MDFIC2: variants seen among roughly 807,000 people sequenced by gnomAD.
MDFIC2 encodes myoD family inhibitor domain-containing protein 2.
chr3:70,279,047 C>T (rs1211101424), intron 2 of MDFIC2, among the ~76,000 whole-genome samples: 1 of 150,432 alleles, frequency 6.6e-6, no homozygotes, highest in Non-Finnish European at 1.5e-5. Context: ...CCTTGTCAAG[C>T]TTTCTCCCTT....
intron 2 of MDFIC2, among the ~76,000 whole-genome samples, chr3:70,301,503 G>T (rs1024361439): frequency 6.6e-6 from 1 of 152,022 alleles, no homozygotes; most frequent in Non-Finnish European, 1.5e-5. Flanking sequence ...GAATCTCTGT[G>T]TATTCCTTGT....
rs1244409633 is a variant in MDFIC2, at chr3:70,258,101, C to T, written c.89-51311G>A. On this transcript the variant is annotated intron_variant, in intron 2 of 3. Coordinates refer to ENST00000567252, the MANE Select transcript of MDFIC2 (RefSeq NM_001364677.1). ...TCATAAGGAAAAGTTAAATGAATCC[C>T]AACTTTCATTTCACATCATAGACAA... Among the ~76,000 whole-genome samples the T allele has an allele frequency of 2.0e-5, 3 of 152,122 alleles. No homozygotes were observed. In the East Asian group the frequency reaches 5.8e-4, roughly 29 times the overall value.
chr3:70,238,371 G>A (rs1375428456), intron 2 of MDFIC2, among the ~76,000 whole-genome samples: 1 of 152,068 alleles, frequency 6.6e-6, no homozygotes, highest in Non-Finnish European at 1.5e-5. Flanking sequence ...ATTTTGGGGA[G>A]GCTGAGGCAA....
chr3:70,263,679 A>G (rs548932180), intron 2 of MDFIC2, among the ~76,000 whole-genome samples: 2 of 152,350 alleles, frequency 1.3e-5, no homozygotes, highest in South Asian at 2.1e-4. Context: ...TAAAATATTT[A>G]TCTACCGAGC....
At chr3:70,308,491 T>C (rs1033268266) in intron 2 of MDFIC2, among the ~76,000 whole-genome samples, 1 of 152,162 alleles carries the variant, frequency 6.6e-6, no homozygotes. Context: ...TCTAATTTTT[T>C]GTAACAGCTC....
intron 2 of MDFIC2, among the ~76,000 whole-genome samples, chr3:70,290,738 C>T (rs567865896): frequency 2.3e-4 from 35 of 152,274 alleles, no homozygotes; most frequent in Admixed American, 5.9e-4. Flanking sequence ...ACCCTCCGAG[C>T]CAGGTGCAGG....
At position 70,237,979 on chromosome 3, in the gene MDFIC2, C is replaced by CTTTTTTTTTTTTTTTTTTTTTT. The variant is rs71672662; in HGVS notation, c.89-31211_89-31190dup. 1.2e-3 allele frequency among the ~76,000 whole-genome samples: 58 copies of CTTTTTTTTTTTTTTTTTTTTTT among 48,942 alleles called. 15 individuals carry two copies. The highest frequency in any genetic ancestry group is 2.5e-3 in the African/African-American group (24 of 9,426). The allele number at this position is 48,942 out of a possible 152,430, so 32.1% of individuals were successfully genotyped here. On this transcript the variant is annotated intron_variant, in intron 2 of 3. Coordinates refer to ENST00000567252, the MANE Select transcript of MDFIC2 (RefSeq NM_001364677.1). ...GGAAAAGAAACTAATTGAGTGGTAT[C>CTTTTTTTTTTTTTTTTTTTTTT]TTTTTTTTTTTTTTTTTTTTTTTTT...
intron 2 of MDFIC2, among the ~76,000 whole-genome samples, chr3:70,243,152 T>C (rs1005243304): frequency 6.6e-6 from 1 of 152,194 alleles, no homozygotes; most frequent in African/African-American, 2.4e-5. Flanking sequence ...GTGCCTTTTG[T>C]CTTCTGCAGA....
At chr3:70,226,898 G>C (rs1225359555) in intron 2 of MDFIC2, among the ~76,000 whole-genome samples, 2 of 152,096 alleles carry the variant, frequency 1.3e-5, no homozygotes, top group East Asian at 3.9e-4. Flanking sequence ...AGAGGGACTG[G>C]TGGGAATTCT....
rs1701740986 is a variant in MDFIC2, at chr3:70,249,641, G to T, written c.89-42851C>A. Reference sequence around the variant, plus strand: ...AAGAAATGTAATGTTTTGGTCATGGGAGAGCTGCCAATTCCACAGTACCAG... The same window carrying T: ...AAGAAATGTAATGTTTTGGTCATGGTAGAGCTGCCAATTCCACAGTACCAG... On this transcript the variant is annotated intron_variant, in intron 2 of 3. Transcript: ENST00000567252. 3 of 152,044 alleles carry T rather than the reference G, an allele frequency of 2.0e-5. 1 individual carries two copies. The South Asian group carries it at 6.2e-4, about 31-fold the overall frequency. The allele number at this position is 152,044 out of a possible 1,614,324, so 9.4% of individuals were successfully genotyped here.
In MDFIC2 at chr3:70,297,821, C is replaced by G. The variant is rs913570835; in HGVS notation, c.88+14065G>C. On this transcript the variant is annotated intron_variant, in intron 2 of 3. Coordinates refer to ENST00000567252, the MANE Select transcript of MDFIC2 (RefSeq NM_001364677.1). ...AAAAAGTGTTATTATCATAAACTCA[C>G]AGGCTTCTGACCACAGAAGTACAAT... Among the ~76,000 whole-genome samples the G allele has an allele frequency of 9.4e-4, 143 of 152,166 alleles. 2 individuals are homozygous for G. The highest frequency in any genetic ancestry group is 3.4e-3 in the African/African-American group (141 of 41,542).
intron 2 of MDFIC2, among the ~76,000 whole-genome samples, chr3:70,217,226 T>C (rs1426744820): frequency 6.6e-6 from 1 of 152,142 alleles, no homozygotes; most frequent in South Asian, 2.1e-4. Flanking sequence ...ATGCTTAGCA[T>C]TTCTTACATG....
intron 2 of MDFIC2, among the ~76,000 whole-genome samples, chr3:70,225,813 C>T (rs997451179): frequency 6.6e-6 from 1 of 152,108 alleles, no homozygotes; most frequent in African/African-American, 2.4e-5. Flanking sequence ...ATGGTGGTGC[C>T]ATTGTTGAAA....
intron 2 of MDFIC2, among the ~76,000 whole-genome samples, chr3:70,292,555 T>A (rs992818378): frequency 6.6e-6 from 1 of 152,172 alleles, no homozygotes. Context: ...AAGGATAGTT[T>A]ATAAACTTGT....
intron 2 of MDFIC2, among the ~76,000 whole-genome samples, chr3:70,300,107 G>T (rs529487225): frequency 2.6e-5 from 4 of 152,014 alleles, no homozygotes; most frequent in Non-Finnish European, 4.4e-5. Flanking sequence ...TAGATGTGCT[G>T]CTTCCTACCT....
At chr3:70,211,321 T>TG in intron 2 of MDFIC2, among the ~76,000 whole-genome samples, 1 of 72,462 alleles carries the variant, frequency 1.4e-5, no homozygotes. Flanking sequence ...CCCTTCCCTT[T>TG]CCTTCCTTTC....
At chr3:70,246,095 C>T (rs950448093) in intron 2 of MDFIC2, among the ~76,000 whole-genome samples, 1 of 151,616 alleles carries the variant, frequency 6.6e-6, no homozygotes, top group Admixed American at 6.6e-5. Flanking sequence ...TCACTACACA[C>T]CATAAAAAAA....
intron 2 of MDFIC2, among the ~76,000 whole-genome samples, chr3:70,282,538 T>C (rs566010754): frequency 1.3e-5 from 2 of 152,192 alleles, no homozygotes; most frequent in Non-Finnish European, 2.9e-5. Flanking sequence ...TTCATTCTAT[T>C]TTGTTGGCTT....
chr3:70,228,909 TA>T (rs1473611253), intron 2 of MDFIC2, among the ~76,000 whole-genome samples: 1 of 152,108 alleles, frequency 6.6e-6, no homozygotes, highest in African/African-American at 2.4e-5. Flanking sequence ...GAAACTCAGC[TA>T]AAAGGTGTGA....
Sources: gnomAD v4.1 joint callset for allele counts (sites outside exome capture counted in the v4.1 genomes callset) on GRCh38, gnomAD v4.1.1 for gene constraint, MANE v1.5 for transcripts, NCBI Gene and HGNC (gene_info 2026-07-23, HGNC 2026-07-21) for gene names.